Variants in EIF2AK3 observed in about 807,000 individuals in gnomAD.
EIF2AK3 encodes the protein eukaryotic translation initiation factor 2-alpha kinase 3.
Under a neutral mutation model 113.5 loss-of-function variants are expected in EIF2AK3, and 50 were observed. That is an observed-to-expected ratio of 0.44 (90% CI 0.35 to 0.56). EIF2AK3 has a LOEUF of 0.56. Ranked by LOEUF, EIF2AK3 falls within the 20% of genes least tolerant of loss-of-function variation. The probability of loss-of-function intolerance (pLI) is 0.00; values close to 1 mark genes in which losing one functional copy is unlikely to be tolerated. For missense variants in EIF2AK3, 1,185 were observed against 1,378.0 expected (o/e 0.86, Z 2.22); for synonymous variants, 448 against 495.4 (o/e 0.90, Z 1.27).
chr2:88,607,350 C>A (rs1026697421), intron 2 of EIF2AK3, among the ~76,000 whole-genome samples: 1 of 152,116 alleles, frequency 6.6e-6, no homozygotes, highest in African/African-American at 2.4e-5. Flanking sequence ...AAATTAAAAA[C>A]AAAATTCTTA....
intron 3 of EIF2AK3, among the ~76,000 whole-genome samples, chr2:88,594,566 T>C (rs1195568572): frequency 2.0e-5 from 3 of 152,196 alleles, no homozygotes; most frequent in Non-Finnish European, 2.9e-5. Context: ...GCAGATTATA[T>C]TATGATTATA....
Position 88,579,564 on chromosome 2 carries a change from CTT to C in EIF2AK3, c.1838_1839del (p.Lys613SerfsTer3). 6.2e-7 allele frequency: 1 copy of C among 1,613,842 alleles called. No individual in the cohort carries two copies. On this transcript the variant is annotated frameshift_variant, in exon 11 of 17. Transcript: ENST00000303236. LOFTEE classifies it high-confidence loss of function. ...GFGVVFEAKN[K>X]VDDCNYAIKR... ...TTGATAGCATAATTGCAGTCATCTA[CTT>C]TGTTTTTAGCTTCAAAAACAACTCC...
chr2:88,610,995 G>C lies in EIF2AK3; in HGVS notation c.438+2729C>G, dbSNP rs142338210. 9.8e-3 allele frequency among the ~76,000 whole-genome samples: 1,486 copies of C among 152,252 alleles called. 15 individuals are homozygous for C. The highest frequency in any genetic ancestry group is 0.02 in the Middle Eastern group (6 of 294). ...TGAGCCCAGGATTCAAGGCTGCAGA[G>C]AGATATGATCACACCATTGCACTCC... On this transcript the variant is annotated intron_variant, in intron 2 of 16. Transcript: ENST00000303236.
At position 88,587,900 on chromosome 2, in the gene EIF2AK3, C is replaced by T. The variant is rs1021868285; in HGVS notation, c.1429+82G>A. Reference sequence around the variant, plus strand: ...CTCCCAAGATGTTTTATTGTCTATACTCTAATCGACTTTTCTTCATTTGAA... The same window carrying T: ...CTCCCAAGATGTTTTATTGTCTATATTCTAATCGACTTTTCTTCATTTGAA... On this transcript the variant is annotated intron_variant, in intron 8 of 16. Transcript: ENST00000303236. 4.1e-6 allele frequency: 4 copies of T among 971,828 alleles called. No homozygotes were observed. In the African/African-American group the frequency reaches 5.0e-5, roughly 12 times the overall value. 60.2% of individuals were successfully genotyped at this position (971,828 alleles called of 1,614,324 possible). A position where few individuals can be genotyped will look rare whatever the true frequency, so the allele number is the denominator to read the frequency against.
chr2:88,561,288 GTCTCACT>G (rs1673951289), intron 15 of EIF2AK3, among the ~76,000 whole-genome samples: 2 of 146,340 alleles, frequency 1.4e-5, no homozygotes, highest in Non-Finnish European at 3.0e-5. Flanking sequence ...TCGAGACAGA[GTCTCACT>G]CTGTCACCCA....
chr2:88,591,134 A>G (rs976437202), intron 4 of EIF2AK3, 82 bp from the exon 5 acceptor site: 3 of 1,230,574 alleles, frequency 2.4e-6, no homozygotes, highest in African/African-American at 3.0e-5. Flanking sequence ...AGATTGAAGA[A>G]GCAAATACTA....
intron 11 of EIF2AK3, among the ~76,000 whole-genome samples, chr2:88,577,446 G>A (rs1674489257): frequency 6.6e-6 from 1 of 150,720 alleles, no homozygotes; most frequent in South Asian, 2.1e-4. Context: ...TGGCATTTAA[G>A]GTGCTACAAG....
At chr2:88,562,704 G>A (rs922350789) in intron 14 of EIF2AK3, among the ~76,000 whole-genome samples, 1 of 152,120 alleles carries the variant, frequency 6.6e-6, no homozygotes, top group Non-Finnish European at 1.5e-5. Flanking sequence ...AAATCTGCTC[G>A]ACTACCCCTG....
chr2:88,561,512 C>T (rs1177110164), intron 15 of EIF2AK3, among the ~76,000 whole-genome samples: 1 of 151,980 alleles, frequency 6.6e-6, no homozygotes, highest in Admixed American at 6.5e-5. Flanking sequence ...CCACCTGCCT[C>T]AGCCTCCCAA....
intron 3 of EIF2AK3, chr2:88,593,975 A>T: frequency 2.0e-6 from 2 of 990,018 alleles, no homozygotes; most frequent in Non-Finnish European, 2.4e-6. Context: ...ATCGGGTTCA[A>T]TCCTGTTGTT....
intron 13 of EIF2AK3, among the ~76,000 whole-genome samples, chr2:88,571,730 C>T (rs1182816421): frequency 6.6e-6 from 1 of 152,110 alleles, no homozygotes; most frequent in Non-Finnish European, 1.5e-5. Flanking sequence ...TTTTGGTTTG[C>T]GTCTGAGGGG....
rs201083528 is a variant in EIF2AK3 at position 88,574,690 on chromosome 2, T to C, written c.2793A>G (p.Lys931=). 8.1e-6 allele frequency: 13 copies of C among 1,614,110 alleles called. No homozygotes were observed. The highest frequency in any genetic ancestry group is 5.9e-6 in the Non-Finnish European group (7 of 1,179,996). ...CCTTGAGGTCCCTGTGCATCAGTCCTTTACTGTGAAGAAACTCCACTGCCT... is the reference window on the plus strand; with the variant it reads ...CCTTGAGGTCCCTGTGCATCAGTCCCTTACTGTGAAGAAACTCCACTGCCT... ...IAEAVEFLHS[K]GLMHRDLKPS... is the part of the protein sequence containing the mutation. Residue 931 remains lysine (K), a synonymous_variant, in exon 13 of 17, where the codon AAA becomes AAG. Coordinates refer to ENST00000303236, the MANE Select transcript of EIF2AK3 (RefSeq NM_004836.7).
rs762424772 is a variant in EIF2AK3, at chr2:88,585,966, T to A, written c.1525A>T (p.Asn509Tyr). Residue 509 changes from asparagine to tyrosine, a missense_variant, in exon 9 of 17, where the codon AAT becomes TAT. By Grantham distance (143) the Asn-to-Tyr change is moderately radical. Around this residue, in one of 3 missense-constraint regions of EIF2AK3, gnomAD observed 877 missense variants for 1,024.2 expected, o/e 0.86. Transcript: ENST00000303236. ...RFLDNPHYNK[N>Y]IRKKDPVLLL... is the part of the protein sequence containing the mutation. Reference sequence around the variant, plus strand: ...AGAACAGGATCCTTTTTGCGGATATTCTTGTTGTAATGTGGGTTGTCGAGG... The same window carrying A: ...AGAACAGGATCCTTTTTGCGGATATACTTGTTGTAATGTGGGTTGTCGAGG... 1 of 1,614,194 alleles carries A rather than the reference T, an allele frequency of 6.2e-7. No individual in the cohort carries two copies. The highest frequency in any genetic ancestry group is 1.1e-5 in the South Asian group (1 of 91,084).
At chr2:88,610,525 T>A (rs984014585) in intron 2 of EIF2AK3, among the ~76,000 whole-genome samples, 5 of 152,226 alleles carry the variant, frequency 3.3e-5, no homozygotes, top group African/African-American at 7.2e-5. Flanking sequence ...CATTTGTATG[T>A]GGCTGGATTT....
At chr2:88,560,745 G>GTT (rs78200500) in intron 15 of EIF2AK3, among the ~76,000 whole-genome samples, 9 of 130,994 alleles carry the variant, frequency 6.9e-5, no homozygotes, top group Non-Finnish European at 9.9e-5. Flanking sequence ...TATTTTGACT[G>GTT]TTTTTTTTTT....
At chr2:88,579,992 C>T (rs113704371) in intron 10 of EIF2AK3, 8 of 236,582 alleles carry the variant, frequency 3.4e-5, no homozygotes, top group African/African-American at 1.6e-4. Flanking sequence ...CTTTTACATT[C>T]TGTGACATTT....
chr2:88,601,134 G>A (rs1223397823), intron 2 of EIF2AK3, among the ~76,000 whole-genome samples: 4 of 152,094 alleles, frequency 2.6e-5, no homozygotes, highest in Non-Finnish European at 5.9e-5. Flanking sequence ...TTATGATGAG[G>A]AATTCCAAGT....
intron 2 of EIF2AK3, among the ~76,000 whole-genome samples, chr2:88,597,306 T>C (rs952238994): frequency 6.6e-6 from 1 of 152,216 alleles, no homozygotes; most frequent in African/African-American, 2.4e-5. Flanking sequence ...TTAACTACTA[T>C]AATAGCCTCT....
Position 88,603,877 on chromosome 2 carries a change from A to G in EIF2AK3, c.439-8214T>C, listed in dbSNP as rs1029742051. Among the ~76,000 whole-genome samples the G allele has an allele frequency of 5.3e-5, 8 of 152,266 alleles. No homozygotes were observed. The East Asian group carries it at 1.5e-3, about 29-fold the overall frequency. ...TAGCATCTCTGCTTGGAGAGCTCTC[A>G]TGGTCTCTCCCAACTCATATCTAAA... is the stretch of plus-strand genomic sequence containing the variant. On this transcript the variant is annotated intron_variant, in intron 2 of 16. Transcript: ENST00000303236.
Sources: allele counts gnomAD v4.1 joint callset (sites outside exome capture counted in the v4.1 genomes callset), GRCh38; gene constraint gnomAD v4.1.1; regional missense constraint gnomAD v4.1.1; transcripts MANE v1.5; gene names NCBI Gene and HGNC (gene_info 2026-07-23, HGNC 2026-07-21).